The following AKAP19 variants were observed in gnomAD, a reference collection of about 807,000 sequenced individuals.
The protein encoded by AKAP19 is small A-kinase anchoring protein.
the AKAP19 span, among the ~76,000 whole-genome samples, chr2:190,161,870 T>G: frequency 7.7e-3 from 1,176 of 152,312 alleles, 15 homozygotes; most frequent in African/African-American, 0.027. Context: ...AGGAGTGACT[T>G]AGAGACTACT....
chr2:190,138,576 G>C, the AKAP19 span, among the ~76,000 whole-genome samples: 1 of 152,114 alleles, frequency 6.6e-6, no homozygotes, highest in African/African-American at 2.4e-5. Flanking sequence ...CACTCTCCTT[G>C]CTCATTTTCT....
At chr2:189,968,461 AC>A in the AKAP19 span, among the ~76,000 whole-genome samples, 14 of 152,152 alleles carry the variant, frequency 9.2e-5, no homozygotes, top group Non-Finnish European at 1.8e-4. Context: ...GCTGGTCTTC[AC>A]CTCGTGGCCT....
the AKAP19 span, among the ~76,000 whole-genome samples, chr2:189,912,296 T>C: frequency 6.6e-6 from 1 of 152,132 alleles, no homozygotes; most frequent in Non-Finnish European, 1.5e-5. Context: ...ATCCCAGCAC[T>C]TTGGGAGGCC....
the AKAP19 span, among the ~76,000 whole-genome samples, chr2:189,995,206 G>A: frequency 6.6e-6 from 1 of 152,154 alleles, no homozygotes; most frequent in Non-Finnish European, 1.5e-5. Flanking sequence ...GACCTGTCTA[G>A]TGCTGTCAGT....
At chr2:190,130,412 C>T in the AKAP19 span, among the ~76,000 whole-genome samples, 6 of 152,156 alleles carry the variant, frequency 3.9e-5, no homozygotes, top group Non-Finnish European at 8.8e-5. Context: ...TTCATCAGGC[C>T]AGCCATATTC....
chr2:189,954,612 T>C, the AKAP19 span, among the ~76,000 whole-genome samples: 5 of 152,340 alleles, frequency 3.3e-5, no homozygotes, highest in Admixed American at 6.5e-5. Flanking sequence ...TAAATCACAT[T>C]ATGTTTGAAT....
chr2:189,959,193 A>G, the AKAP19 span, among the ~76,000 whole-genome samples: 8 of 151,984 alleles, frequency 5.3e-5, no homozygotes, highest in Admixed American at 1.3e-4. Context: ...AAATAATTAT[A>G]TGAAACAAAT....
the AKAP19 span, among the ~76,000 whole-genome samples, chr2:189,920,789 A>C: frequency 1.3e-5 from 2 of 152,170 alleles, no homozygotes; most frequent in Non-Finnish European, 2.9e-5. Flanking sequence ...CAAGTGGTAG[A>C]AAGAGGAAAG....
At chr2:190,101,524 C>G in the AKAP19 span, among the ~76,000 whole-genome samples, 12 of 152,264 alleles carry the variant, frequency 7.9e-5, no homozygotes, top group East Asian at 2.1e-3. Flanking sequence ...CCTGGAGCAG[C>G]AGGGCTCTTT....
chr2:190,164,870 G>C, the AKAP19 span, among the ~76,000 whole-genome samples: 2 of 152,154 alleles, frequency 1.3e-5, no homozygotes, highest in African/African-American at 4.8e-5. Flanking sequence ...TCCAGTTTGG[G>C]AGCTACTGTA....
chr2:190,128,246 C>T, the AKAP19 span, among the ~76,000 whole-genome samples: 1 of 152,148 alleles, frequency 6.6e-6, no homozygotes, highest in Non-Finnish European at 1.5e-5. Flanking sequence ...CCCTATCAAA[C>T]TGGTAAAAAT....
At chr2:190,092,822 G>T in the AKAP19 span, among the ~76,000 whole-genome samples, 1 of 151,990 alleles carries the variant, frequency 6.6e-6, no homozygotes, top group Non-Finnish European at 1.5e-5. Flanking sequence ...TTATTTCCTT[G>T]TTGTGAGGAT....
the AKAP19 span, among the ~76,000 whole-genome samples, chr2:189,918,475 C>G: frequency 6.6e-6 from 1 of 152,124 alleles, no homozygotes; most frequent in Non-Finnish European, 1.5e-5. Context: ...GATATCACTT[C>G]ACACTCACTA....
chr2:190,078,130 C>T, the AKAP19 span, among the ~76,000 whole-genome samples: 1 of 152,286 alleles, frequency 6.6e-6, no homozygotes, highest in Admixed American at 6.5e-5. Context: ...AATACCTAGT[C>T]TCCTCAGCGT....
At chr2:190,004,279 TA>T in the AKAP19 span, among the ~76,000 whole-genome samples, 278 of 145,942 alleles carry the variant, frequency 1.9e-3, no homozygotes, top group African/African-American at 4.5e-3. Context: ...ATAATAATAA[TA>T]AAAAAAAACA....
chr2:190,014,195 A>C, the AKAP19 span, among the ~76,000 whole-genome samples: 1 of 152,132 alleles, frequency 6.6e-6, no homozygotes. Flanking sequence ...TTGTTGTATT[A>C]GTTCATTGTC....
the AKAP19 span, among the ~76,000 whole-genome samples, chr2:190,088,093 T>G: frequency 6.6e-6 from 1 of 152,178 alleles, no homozygotes; most frequent in Admixed American, 6.6e-5. Context: ...TATACCTATT[T>G]TAAAGATGGC....
chr2:189,970,534 G>GAT, the AKAP19 span, among the ~76,000 whole-genome samples: 7,558 of 151,838 alleles, frequency 0.05, 289 homozygotes, highest in Non-Finnish European at 0.075. Flanking sequence ...CTGTGTTCGA[G>GAT]ATATATATAT....
At chr2:190,170,113 A>T in the AKAP19 span, among the ~76,000 whole-genome samples, 10 of 152,314 alleles carry the variant, frequency 6.6e-5, no homozygotes, top group Admixed American at 5.2e-4. Flanking sequence ...GCGACAGCAC[A>T]ATTGGGTTCT....
Sources: allele counts gnomAD v4.1 joint callset (sites outside exome capture counted in the v4.1 genomes callset), GRCh38; gene constraint gnomAD v4.1.1; transcripts MANE v1.5; gene names NCBI Gene and HGNC (gene_info 2026-07-23, HGNC 2026-07-21).